Variants in AVEN observed in about 807,000 individuals in gnomAD.
AVEN encodes cell death regulator Aven.
AVEN carries 41 observed loss-of-function variants against 38.1 expected under a neutral mutation model. That is an observed-to-expected ratio of 1.08 (90% CI 0.84 to 1.40). AVEN has a LOEUF of 1.40. AVEN is among the 40% of genes most tolerant of loss of function. The probability of loss-of-function intolerance (pLI) is 0.00; values close to 1 mark genes in which losing one functional copy is unlikely to be tolerated. For synonymous variants in AVEN, 206 were observed against 171.8 expected, an observed-to-expected ratio of 1.20 and a Z score of -1.56; for missense variants, 605 against 438.8, an observed-to-expected ratio of 1.38 and a Z score of -3.38.
chr15:33,911,080 A>G (rs1175344963), intron 2 of AVEN, among the ~76,000 whole-genome samples: 5 of 152,206 alleles, frequency 3.3e-5, no homozygotes, highest in Non-Finnish European at 7.3e-5. Flanking sequence ...AACCCATTAA[A>G]ATACCCTCTC....
At chr15:33,902,858 A>T (rs1451454315) in intron 2 of AVEN, among the ~76,000 whole-genome samples, 1 of 152,154 alleles carries the variant, frequency 6.6e-6, no homozygotes, top group Non-Finnish European at 1.5e-5. Context: ...AATTAAACTA[A>T]TTAATTTATC....
chr15:33,897,482 C>G (rs918811200), intron 2 of AVEN, among the ~76,000 whole-genome samples: 1 of 152,054 alleles, frequency 6.6e-6, no homozygotes, highest in African/African-American at 2.4e-5. Flanking sequence ...GTTGGCCAGG[C>G]TGGTCTTGAA....
chr15:33,945,665 A>G (rs1332647989), intron 2 of AVEN, among the ~76,000 whole-genome samples: 1 of 151,974 alleles, frequency 6.6e-6, no homozygotes, highest in Non-Finnish European at 1.5e-5. Flanking sequence ...AGCTCACTGC[A>G]ACCTCCACCT....
At chr15:33,957,454 C>T (rs1396838005) in intron 2 of AVEN, among the ~76,000 whole-genome samples, 5 of 152,136 alleles carry the variant, frequency 3.3e-5, no homozygotes, top group Non-Finnish European at 7.3e-5. Context: ...TAAAATTAAG[C>T]ATAAATTTAC....
chr15:33,912,647 G>A (rs577868995), intron 2 of AVEN, among the ~76,000 whole-genome samples: 2 of 152,254 alleles, frequency 1.3e-5, no homozygotes, highest in East Asian at 3.9e-4. Context: ...TCTTAGCTCT[G>A]TATGTTCTCT....
At chr15:33,895,730 G>A (rs1165266918) in intron 2 of AVEN, among the ~76,000 whole-genome samples, 1 of 152,110 alleles carries the variant, frequency 6.6e-6, no homozygotes, top group Non-Finnish European at 1.5e-5. Context: ...CAGATAAATA[G>A]AACAACCCAT....
At chr15:34,032,100 T>C (rs1028627049) in intron 1 of AVEN, among the ~76,000 whole-genome samples, 1 of 152,018 alleles carries the variant, frequency 6.6e-6, no homozygotes, top group African/African-American at 2.4e-5. Context: ...CGTAATAAGT[T>C]AGTCAGTAGC....
downstream of AVEN, chr15:33,854,652 C>G (rs955543633): frequency 3.6e-6 from 5 of 1,370,014 alleles, no homozygotes; most frequent in Admixed American, 4.4e-5. Flanking sequence ...CACAGCACCT[C>G]AGCACCTAAA....
At chr15:33,901,392 G>A (rs2052610) in intron 2 of AVEN, among the ~76,000 whole-genome samples, 6,598 of 152,222 alleles carry the variant, frequency 0.043, 422 homozygotes, top group South Asian at 0.14. Flanking sequence ...ACGCACACAC[G>A]TTTTATCTAT....
chr15:33,852,992 G>A, the AVEN span: 2 of 1,497,142 alleles, frequency 1.3e-6, no homozygotes, highest in Non-Finnish European at 1.8e-6. Context: ...TTCTTGATGT[G>A]TTTTCCTTGA....
At chr15:34,015,626 A>G (rs2140685245) in intron 1 of AVEN, among the ~76,000 whole-genome samples, 1 of 152,344 alleles carries the variant, frequency 6.6e-6, no homozygotes, top group East Asian at 1.9e-4. Flanking sequence ...ATAAAAAAGT[A>G]ACAGTTGTCA....
At chr15:33,991,261 A>AAAAAAATTTATATAAAAATATAAAAAAAT (rs1389954269) in intron 2 of AVEN, 1 of 152,226 alleles carries the variant, frequency 6.6e-6, no homozygotes, top group Non-Finnish European at 1.5e-5. Context: ...AAAAATACAG[A>AAAAAAATTTATATAAAAATATAAAAAAAT]CCTTCTAACA....
chr15:34,031,352 T>C (rs1898806784), intron 1 of AVEN, among the ~76,000 whole-genome samples: 1 of 151,984 alleles, frequency 6.6e-6, no homozygotes, highest in African/African-American at 2.4e-5. Context: ...TTTTTATATT[T>C]CTAATAGCGA....
At chr15:33,961,570 T>G (rs543066992) in intron 2 of AVEN, among the ~76,000 whole-genome samples, 2 of 151,884 alleles carry the variant, frequency 1.3e-5, no homozygotes, top group Non-Finnish European at 2.9e-5. Context: ...TCCCAGCACT[T>G]TGGGAGGCCA....
At chr15:33,965,244 T>TA (rs1895341482) in intron 2 of AVEN, among the ~76,000 whole-genome samples, 1 of 152,234 alleles carries the variant, frequency 6.6e-6, no homozygotes, top group Non-Finnish European at 1.5e-5. Flanking sequence ...AACAAGAATT[T>TA]AAAAGCATAT....
At chr15:33,968,645 A>AAAGG (rs1277100357) in intron 2 of AVEN, 1 of 152,152 alleles carries the variant, frequency 6.6e-6, no homozygotes, top group Non-Finnish European at 1.5e-5. Flanking sequence ...TCTTCTACAG[A>AAAGG]AAGGAAGCTG....
chr15:33,884,622 T>C (rs968012763), intron 2 of AVEN, among the ~76,000 whole-genome samples: 15 of 152,134 alleles, frequency 9.9e-5, no homozygotes. Flanking sequence ...AAGCTTACCA[T>C]CTAGTCATAG....
At chr15:33,858,249 G>C (rs1784920948), downstream of AVEN, 2 of 234,984 alleles carry the variant, frequency 8.5e-6, no homozygotes, top group Non-Finnish European at 1.7e-5. Flanking sequence ...TTGTCGCCCA[G>C]GCTGGAGTGC....
intron 11 of AVEN, chr15:33,860,580 TATTTA>T: frequency 6.4e-7 from 1 of 1,551,064 alleles, no homozygotes; most frequent in African/African-American, 1.4e-5. Context: ...TTTGTCTTTG[TATTTA>T]ACATTCCAGG....
Sources: allele counts gnomAD v4.1 joint callset (sites outside exome capture counted in the v4.1 genomes callset), GRCh38; gene constraint gnomAD v4.1.1; transcripts MANE v1.5; gene names NCBI Gene and HGNC (gene_info 2026-07-23, HGNC 2026-07-21).